Variants in SCAMP1 observed in about 807,000 individuals in gnomAD.
SCAMP1 encodes secretory carrier membrane protein 1.
SCAMP1 carries 15 observed loss-of-function variants against 41.8 expected under a neutral mutation model. The observed-to-expected ratio is 0.36, with a 90% confidence interval of 0.24 to 0.55. The LOEUF (loss-of-function observed/expected upper bound fraction) is 0.55. SCAMP1 is among the 20% of genes least tolerant of loss of function. The probability of loss-of-function intolerance (pLI) is 0.86; values close to 1 mark genes in which losing one functional copy is unlikely to be tolerated. For missense variants in SCAMP1, 341 were observed against 412.6 expected, an observed-to-expected ratio of 0.83 and a Z score of 1.50; for synonymous variants, 135 against 136.8, an observed-to-expected ratio of 0.99 and a Z score of 0.09.
Position 78,476,115 on chromosome 5 carries a change from G to A in SCAMP1, c.*447G>A, listed in dbSNP as rs1753998168. The stretch of plus-strand genomic sequence containing the variant: ...AAGAAATAGGCCAGCAGAGACTTAG[G>A]GATTTTAAATTGGCTTGCTTTTTAG... On this transcript the variant is annotated 3_prime_UTR_variant, in exon 9 of 9. Transcript: ENST00000621999. The A allele has an allele frequency of 1.3e-5, 2 of 152,554 alleles. No individual in the cohort carries two copies. Among genetic ancestry groups the A allele is most frequent in the Admixed American group, 1.3e-4 (2 of 15,278 alleles). 9.5% of individuals were successfully genotyped at this position (152,554 alleles called of 1,614,324 possible).
intron 1 of SCAMP1, among the ~76,000 whole-genome samples, chr5:78,375,903 T>C (rs1429742876): frequency 1.3e-5 from 2 of 152,204 alleles, no homozygotes; most frequent in Admixed American, 6.5e-5. Context: ...ATTTAAAATT[T>C]TCTAGTAGCC....
At chr5:78,387,351 A>G (rs1357218556) in intron 1 of SCAMP1, among the ~76,000 whole-genome samples, 2 of 130,056 alleles carry the variant, frequency 1.5e-5, no homozygotes, top group South Asian at 2.5e-4. Context: ...TTTTCCATTC[A>G]TATCCTGTAT....
chr5:78,478,869 T>C lies in SCAMP1; in HGVS notation c.*3201T>C, dbSNP rs1754066338. 1 of 152,154 alleles carries C rather than the reference T, an allele frequency of 6.6e-6. No individual in the cohort carries two copies. The highest frequency in any genetic ancestry group is 1.5e-5 in the Non-Finnish European group (1 of 67,978). The allele number at this position is 152,154 out of a possible 1,614,324, so 9.4% of individuals were successfully genotyped here. A position where few individuals can be genotyped will look rare whatever the true frequency, so the allele number is the denominator to read the frequency against. ...GGGTGTTATATTTAAAAAAGCAAGT[T>C]TGGATTTTTACACCTAATTTACTAG... On this transcript the variant is annotated 3_prime_UTR_variant, in exon 9 of 9. Transcript: ENST00000621999.
chr5:78,389,240 G>A (rs1046033094), intron 2 of SCAMP1, among the ~76,000 whole-genome samples: 5 of 152,056 alleles, frequency 3.3e-5, no homozygotes, highest in African/African-American at 1.2e-4. Flanking sequence ...CATGTTGTCT[G>A]CCTGATAATG....
At chr5:78,433,269 T>C (rs1345085826) in intron 6 of SCAMP1, among the ~76,000 whole-genome samples, 1 of 152,202 alleles carries the variant, frequency 6.6e-6, no homozygotes, top group East Asian at 1.9e-4. Flanking sequence ...TGACAGTGTG[T>C]CTTTTTTTTC....
chr5:78,421,112 C>CT (rs1561268953), intron 5 of SCAMP1, among the ~76,000 whole-genome samples: 5 of 152,098 alleles, frequency 3.3e-5, no homozygotes, highest in African/African-American at 1.2e-4. Context: ...TGTTTTTGGT[C>CT]TGTCAGGGAA....
chr5:78,472,695 C>G (rs1327100373), intron 8 of SCAMP1, among the ~76,000 whole-genome samples: 1 of 152,074 alleles, frequency 6.6e-6, no homozygotes, highest in Non-Finnish European at 1.5e-5. Flanking sequence ...TAGATACAAA[C>G]TATTGAGAAA....
chr5:78,412,380 T>C (rs987775379), intron 2 of SCAMP1, among the ~76,000 whole-genome samples: 1 of 151,978 alleles, frequency 6.6e-6, no homozygotes, highest in African/African-American at 2.4e-5. Flanking sequence ...TTTGTCTTGT[T>C]TTGTTTTTTT....
chr5:78,432,706 G>A (rs1752653730), intron 6 of SCAMP1, among the ~76,000 whole-genome samples: 1 of 151,902 alleles, frequency 6.6e-6, no homozygotes, highest in African/African-American at 2.4e-5. Flanking sequence ...TGTGTGTTAT[G>A]TATATGTGTG....
rs1312615225 is a variant in SCAMP1, at chr5:78,360,944, C to T, written c.57+216C>T. The T allele has an allele frequency of 2.3e-5, 13 of 561,892 alleles. 1 individual carries two copies. The East Asian group carries it at 3.5e-4, about 15-fold the overall frequency. 34.8% of individuals were successfully genotyped at this position (561,892 alleles called of 1,614,324 possible). ...GGGTGGAACCTCCTCAGCTCGTGCC[C>T]GGTCGCCCTTCCACACGTCCCCGAC... is the stretch of plus-strand genomic sequence containing the variant. On this transcript the variant is annotated intron_variant, in intron 1 of 8. Transcript: ENST00000621999.
At chr5:78,439,640 C>T (rs1752866625) in intron 6 of SCAMP1, among the ~76,000 whole-genome samples, 1 of 152,132 alleles carries the variant, frequency 6.6e-6, no homozygotes, top group African/African-American at 2.4e-5. Context: ...CTCTGGCTGC[C>T]CTTTACATTT....
rs949974109 is a variant in SCAMP1, at chr5:78,389,010, A to G, written c.135+96A>G. ...TTTTTAGTGGATTGCTTACACTTAAATAAAACAAATTGTTAATGTTTTATT... is the reference window on the plus strand; with the variant it reads ...TTTTTAGTGGATTGCTTACACTTAAGTAAAACAAATTGTTAATGTTTTATT... On this transcript the variant is annotated intron_variant, in intron 2 of 8. Coordinates refer to ENST00000621999, the MANE Select transcript of SCAMP1 (RefSeq NM_004866.6). The G allele has an allele frequency of 1.5e-5, 9 of 600,506 alleles. 1 individual carries two copies. Among genetic ancestry groups the G allele is most frequent in the South Asian group, 5.3e-5 (2 of 37,866 alleles). 37.2% of individuals were successfully genotyped at this position (600,506 alleles called of 1,614,324 possible).
At chr5:78,384,073 T>A (rs1751278135) in intron 1 of SCAMP1, among the ~76,000 whole-genome samples, 1 of 152,146 alleles carries the variant, frequency 6.6e-6, no homozygotes, top group African/African-American at 2.4e-5. Flanking sequence ...GCATGGGATG[T>A]GTTTTCATTT....
At chr5:78,474,412 A>T (rs544162208) in intron 8 of SCAMP1, among the ~76,000 whole-genome samples, 1 of 152,304 alleles carries the variant, frequency 6.6e-6, no homozygotes, top group Admixed American at 6.5e-5. Context: ...GTAGGTTGTC[A>T]GTAGAGTTGG....
At chr5:78,460,276 G>A (rs1753551071) in intron 8 of SCAMP1, among the ~76,000 whole-genome samples, 1 of 152,116 alleles carries the variant, frequency 6.6e-6, no homozygotes, top group African/African-American at 2.4e-5. Flanking sequence ...CCCAGTATAG[G>A]GTGATTGCTG....
At chr5:78,403,897 G>C (rs1318910482) in intron 2 of SCAMP1, among the ~76,000 whole-genome samples, 1 of 146,924 alleles carries the variant, frequency 6.8e-6, no homozygotes, top group Non-Finnish European at 1.5e-5. Flanking sequence ...CCCAGGAGGC[G>C]GAGGCTGCAG....
intron 2 of SCAMP1, among the ~76,000 whole-genome samples, chr5:78,408,255 G>A (rs1203114183): frequency 6.6e-6 from 1 of 152,116 alleles, no homozygotes; most frequent in Non-Finnish European, 1.5e-5. Flanking sequence ...AGCATGTGTA[G>A]GGGAAGTCCC....
chr5:78,454,520 C>A (rs1474447765), intron 7 of SCAMP1, among the ~76,000 whole-genome samples: 1 of 151,688 alleles, frequency 6.6e-6, no homozygotes, highest in African/African-American at 2.4e-5. Context: ...GCCTTGCATC[C>A]CAGGGATGAA....
In SCAMP1 at chr5:78,469,922, AAAAAAAAAAACAAC is replaced by A. The variant is rs1561290977; in HGVS notation, c.853-5579_853-5566del. 6.6e-3 allele frequency among the ~76,000 whole-genome samples: 126 copies of A among 19,164 alleles called. 11 individuals carry two copies. The highest frequency in any genetic ancestry group is 0.028 in the African/African-American group (92 of 3,294). The allele number at this position is 19,164 out of a possible 152,430, so 12.6% of individuals were successfully genotyped here. On this transcript the variant is annotated intron_variant, in intron 8 of 8. Transcript: ENST00000621999. ...AAAAAAAAAAAAAAAACAAAAAAAA[AAAAAAAAAAACAAC>A]AACACAGCCCAGGCATGGTGGTGTG...
Sources: allele counts gnomAD v4.1 joint callset (sites outside exome capture counted in the v4.1 genomes callset), GRCh38; gene constraint gnomAD v4.1.1; transcripts MANE v1.5; gene names NCBI Gene and HGNC (gene_info 2026-07-23, HGNC 2026-07-21).